COA1: variants seen among roughly 807,000 people sequenced by gnomAD.
The protein encoded by COA1 is cytochrome c oxidase assembly factor 1 homolog.
A neutral mutation model predicts 16.0 loss-of-function variants in COA1; 13 were observed. The ratio of observed to expected loss-of-function variants is 0.81; its 90% CI spans 0.53 to 1.29. The LOEUF is 1.29. COA1 is among the 50% of genes most tolerant of loss of function. The pLI is 0.00. For synonymous variants in COA1, 65 were observed against 65.7 expected (o/e 0.99, Z 0.05); for missense variants, 179 against 177.0 (o/e 1.01, Z -0.06).
chr7:43,707,787 C>T (rs2095054028), intron 1 of COA1, among the ~76,000 whole-genome samples: 1 of 152,196 alleles, frequency 6.6e-6, no homozygotes, highest in Non-Finnish European at 1.5e-5. Flanking sequence ...TCTCCCCACA[C>T]AACTATTTTG....
At chr7:43,719,714 C>T (rs547511460) in intron 1 of COA1, among the ~76,000 whole-genome samples, 1 of 152,186 alleles carries the variant, frequency 6.6e-6, no homozygotes, top group South Asian at 2.1e-4. Flanking sequence ...GAAAATGTCC[C>T]CTGACCCACA....
At chr7:43,715,715 C>T (rs1413518616) in intron 1 of COA1, among the ~76,000 whole-genome samples, 1 of 152,090 alleles carries the variant, frequency 6.6e-6, no homozygotes, top group East Asian at 1.9e-4. Flanking sequence ...TATTTAAACT[C>T]AAAAACACCA....
At chr7:43,709,927 G>A (rs897201147) in intron 1 of COA1, among the ~76,000 whole-genome samples, 1 of 152,160 alleles carries the variant, frequency 6.6e-6, no homozygotes, top group African/African-American at 2.4e-5. Flanking sequence ...AAATGTCTCT[G>A]TGCAAAGTGC....
intron 1 of COA1, among the ~76,000 whole-genome samples, chr7:43,713,443 TAA>T (rs1242160101): frequency 6.6e-6 from 1 of 152,154 alleles, no homozygotes; most frequent in Non-Finnish European, 1.5e-5. Flanking sequence ...CTCCTAACTA[TAA>T]CTTTGTACTC....
chr7:43,653,220 G>A (rs1223097467), intron 1 of COA1, among the ~76,000 whole-genome samples: 1 of 152,112 alleles, frequency 6.6e-6, no homozygotes, highest in African/African-American at 2.4e-5. Context: ...GCTGAGGCAG[G>A]AGAATGGCGT....
intron 6 of COA1, chr7:43,623,716 G>A: frequency 6.2e-7 from 1 of 1,605,802 alleles, no homozygotes; most frequent in Non-Finnish European, 8.5e-7. Flanking sequence ...TAGGAGCATT[G>A]GAGTGTTAAC....
chr7:43,687,336 G>T (rs2094084180), intron 1 of COA1, among the ~76,000 whole-genome samples: 1 of 152,130 alleles, frequency 6.6e-6, no homozygotes. Flanking sequence ...GGAAAAACAA[G>T]CTTGCCTAAG....
chr7:43,639,553 A>G lies in COA1; in HGVS notation c.*29T>C. ...GGTAGAGATGAGGGAAGGATGGACTAGAAGCAAGCTGGGTCTTCTGGGTCG... is the reference window on the plus strand; with the variant it reads ...GGTAGAGATGAGGGAAGGATGGACTGGAAGCAAGCTGGGTCTTCTGGGTCG... On this transcript the variant is annotated 3_prime_UTR_variant, in exon 6 of 6. Transcript: ENST00000223336. 6.3e-7 allele frequency: 1 copy of G among 1,580,782 alleles called. No homozygotes were observed. The highest frequency in any genetic ancestry group is 8.7e-7 in the Non-Finnish European group (1 of 1,149,996).
intron 1 of COA1, among the ~76,000 whole-genome samples, chr7:43,707,458 C>T (rs564016526): frequency 3.6e-4 from 55 of 152,144 alleles, no homozygotes; most frequent in Non-Finnish European, 6.8e-4. Flanking sequence ...CATGTAACCA[C>T]CAGAGTCCTA....
At chr7:43,628,548 G>A (rs2084848439) in intron 6 of COA1, among the ~76,000 whole-genome samples, 1 of 152,160 alleles carries the variant, frequency 6.6e-6, no homozygotes, top group African/African-American at 2.4e-5. Flanking sequence ...TAAAACCATT[G>A]TGCTGTTTTG....
intron 1 of COA1, among the ~76,000 whole-genome samples, chr7:43,685,950 CA>C (rs1024559575): frequency 2.0e-5 from 3 of 152,042 alleles, no homozygotes; most frequent in African/African-American, 4.8e-5. Context: ...CTGGTTGATA[CA>C]AAAAAATCAA....
intron 1 of COA1, among the ~76,000 whole-genome samples, chr7:43,677,552 A>G (rs1356263901): frequency 6.6e-6 from 1 of 152,196 alleles, no homozygotes; most frequent in Admixed American, 6.5e-5. Context: ...TAATCCCAGC[A>G]CTTTGGGAGG....
intron 1 of COA1, among the ~76,000 whole-genome samples, chr7:43,691,072 A>AAAAAAAAAAC (rs1563379693): frequency 8.5e-5 from 9 of 105,420 alleles, no homozygotes; most frequent in African/African-American, 3.3e-4. Flanking sequence ...AAAAAAAAAA[A>AAAAAAAAAAC]AAAAACAAAA....
At chr7:43,697,634 C>T (rs142899902) in intron 1 of COA1, among the ~76,000 whole-genome samples, 23 of 152,262 alleles carry the variant, frequency 1.5e-4, no homozygotes, top group Middle Eastern at 3.4e-3. Flanking sequence ...ATGACAATTG[C>T]CAGCTTCTTC....
chr7:43,638,566 C>CTTTTTTT (rs746584234), downstream of COA1, among the ~76,000 whole-genome samples: 28 of 97,402 alleles, frequency 2.9e-4, no homozygotes, highest in East Asian at 7.6e-4. Context: ...TTTTTCTTTC[C>CTTTTTTT]TTTTTTTTTT....
chr7:43,674,061 G>C (rs759562577), intron 1 of COA1, among the ~76,000 whole-genome samples: 1 of 152,106 alleles, frequency 6.6e-6, no homozygotes, highest in Non-Finnish European at 1.5e-5. Context: ...TGCTTATTAC[G>C]TAGGTGGCAA....
chr7:43,659,604 A>G (rs1356864692), intron 1 of COA1, among the ~76,000 whole-genome samples: 2 of 152,200 alleles, frequency 1.3e-5, no homozygotes, highest in Non-Finnish European at 2.9e-5. Flanking sequence ...TTTTAGAAAA[A>G]AACATTTATA....
At chr7:43,615,245 G>A (rs146990526) in intron 6 of COA1, among the ~76,000 whole-genome samples, 2,136 of 152,110 alleles carry the variant, frequency 0.014, 67 homozygotes, top group African/African-American at 0.049. Flanking sequence ...GCACTATCTC[G>A]GCTCACTGCA....
rs762040230 is a variant in COA1, at chr7:43,624,886, G to A, written c.*133+14563C>T. The A allele has an allele frequency of 1.3e-5, 20 of 1,501,134 alleles. No homozygotes were observed. The Admixed American group carries it at 2.9e-4, about 22-fold the overall frequency. The allele number at this position is 1,501,134 out of a possible 1,614,324, so 93.0% of individuals were successfully genotyped here. ...ACTTCAAGATTTCTACATTGAAAATGTTAATATTATTTATGGACCTCTGGC... is the reference window on the plus strand; with the variant it reads ...ACTTCAAGATTTCTACATTGAAAATATTAATATTATTTATGGACCTCTGGC... On this transcript the variant is annotated intron_variant and NMD_transcript_variant, in intron 6 of 6. Coordinates refer to the COA1 transcript ENST00000415076.
Sources: gnomAD v4.1 joint callset for allele counts (sites outside exome capture counted in the v4.1 genomes callset) on GRCh38, gnomAD v4.1.1 for gene constraint, MANE v1.5 for transcripts, NCBI Gene and HGNC (gene_info 2026-07-23, HGNC 2026-07-21) for gene names.